Variants in NKD1 observed in about 807,000 individuals in gnomAD.
NKD1 encodes the protein NKD inhibitor of Wnt signaling pathway 1.
In NKD1, 21 loss-of-function variants were observed where a neutral mutation model predicts 56.0. The observed-to-expected ratio is 0.38, with a 90% CI of 0.27 to 0.54. The LOEUF is 0.54. Ranked by LOEUF, NKD1 falls within the 20% of genes least tolerant of loss-of-function variation. NKD1 has a pLI of 0.82. For missense variants in NKD1, 578 were observed against 642.7 expected, an observed-to-expected ratio of 0.90 and a Z score of 1.09; for synonymous variants, 263 against 265.7, an observed-to-expected ratio of 0.99 and a Z score of 0.10.
intron 3 of NKD1, among the ~76,000 whole-genome samples, chr16:50,602,789 C>T (rs549853001): frequency 5.1e-4 from 78 of 152,348 alleles, no homozygotes; most frequent in African/African-American, 1.8e-3. Flanking sequence ...GCCCTCTGCC[C>T]GGGAGATCTG....
intron 3 of NKD1, among the ~76,000 whole-genome samples, chr16:50,560,823 C>CTATCT (rs1555487407): frequency 6.2e-4 from 92 of 148,660 alleles, no homozygotes; most frequent in African/African-American, 2.1e-3. Context: ...TACCCAAACC[C>CTATCT]ATCTATCTAT....
intron 3 of NKD1, among the ~76,000 whole-genome samples, chr16:50,582,268 G>T (rs1438039811): frequency 6.6e-6 from 1 of 152,166 alleles, no homozygotes; most frequent in Non-Finnish European, 1.5e-5. Context: ...CTCTCGCAGG[G>T]CTGTCCTCCC....
At chr16:50,615,328 C>T (rs1313246111) in intron 4 of NKD1, among the ~76,000 whole-genome samples, 3 of 152,168 alleles carry the variant, frequency 2.0e-5, no homozygotes, top group African/African-American at 4.8e-5. Flanking sequence ...GTGTGATAGA[C>T]ACTGCACTAT....
chr16:50,572,782 C>A, intron 3 of NKD1: 1 of 618,554 alleles, frequency 1.6e-6, no homozygotes, highest in Non-Finnish European at 2.0e-6. Flanking sequence ...TCCCTGAGTC[C>A]GACAGAGACA....
intron 4 of NKD1, among the ~76,000 whole-genome samples, chr16:50,621,189 AG>A (rs1962079039): frequency 6.6e-6 from 1 of 152,360 alleles, no homozygotes; most frequent in East Asian, 1.9e-4. Context: ...GGCACCTTTG[AG>A]GAGGCCAAAA....
rs1962388657 is a variant in NKD1 at position 50,633,308 on chromosome 16, G to A, written c.940G>A (p.Asp314Asn). Reference protein sequence around the residue: ...HIPHRKPQGVDPASFHFLDTP... With the variant: ...HIPHRKPQGVNPASFHFLDTP... ...CCCACACCGAAAGCCCCAAGGCGTG[G>A]ACCCGGCCTCCTTCCACTTCCTTGA... The change falls in exon 10 of 10, where the codon GAC becomes AAC. Residue 314 changes from aspartate to asparagine, a missense_variant. Coordinates refer to ENST00000268459, the MANE Select transcript of NKD1 (RefSeq NM_033119.5). This position sits in a 1 kb window ranked among gnomAD's most constrained non-coding sequence, Gnocchi z 4.9. 3 of 1,614,126 alleles carry A rather than the reference G, an allele frequency of 1.9e-6. No homozygotes were observed. In the African/African-American group the frequency reaches 4.0e-5, roughly 22 times the overall value.
intron 3 of NKD1, among the ~76,000 whole-genome samples, chr16:50,586,572 T>C (rs2036886936): frequency 6.6e-6 from 1 of 152,202 alleles, no homozygotes; most frequent in African/African-American, 2.4e-5. Context: ...GGTTTCCTAG[T>C]ATGTCATAGG....
At chr16:50,568,289 C>G (rs546609874) in intron 3 of NKD1, among the ~76,000 whole-genome samples, 11 of 152,302 alleles carry the variant, frequency 7.2e-5, no homozygotes, top group Admixed American at 2.0e-4. Context: ...GTGGTTAGCA[C>G]TGGGCTTGAA....
rs1962710774 is a variant in NKD1, at chr16:50,647,973, TG to T, written c.*14195del. 6.6e-6 allele frequency: 1 copy of T among 152,212 alleles called. No individual in the cohort carries two copies. Among genetic ancestry groups the T allele is most frequent in the South Asian group, 2.1e-4 (1 of 4,824 alleles). 9.4% of individuals were successfully genotyped at this position (152,212 alleles called of 1,614,324 possible). On this transcript the variant is annotated 3_prime_UTR_variant, in exon 10 of 10. Transcript: ENST00000268459. ...AAACAGGCTCTTTTGGCAGCAAAGTTGGGAGTGGTGTTGAAGTAACTGGGAA... is the reference window on the plus strand; with the variant it reads ...AAACAGGCTCTTTTGGCAGCAAAGTTGGAGTGGTGTTGAAGTAACTGGGAA...
intron 3 of NKD1, chr16:50,606,792 T>C: frequency 2.2e-6 from 1 of 456,678 alleles, no homozygotes; most frequent in South Asian, 1.5e-5. Flanking sequence ...TGAAGACTGT[T>C]GCCTGTTCCC....
chr16:50,590,759 A>G (rs1333237464), intron 3 of NKD1, among the ~76,000 whole-genome samples: 6 of 152,246 alleles, frequency 3.9e-5, no homozygotes, highest in Non-Finnish European at 8.8e-5. Flanking sequence ...CCACCTGGCA[A>G]TGCCGTTTGC....
intron 3 of NKD1, among the ~76,000 whole-genome samples, chr16:50,599,670 C>A (rs1961551712): frequency 1.3e-5 from 2 of 152,234 alleles, no homozygotes; most frequent in African/African-American, 4.8e-5. Flanking sequence ...CAGGCCCCAA[C>A]ATGCCCATCA....
intron 3 of NKD1, among the ~76,000 whole-genome samples, chr16:50,562,680 T>C (rs1289121569): frequency 6.6e-6 from 1 of 152,096 alleles, no homozygotes; most frequent in East Asian, 1.9e-4. Flanking sequence ...AGTCAGAACC[T>C]TTCTGTACTA....
chr16:50,617,962 A>C (rs1172034406), intron 4 of NKD1, among the ~76,000 whole-genome samples: 1 of 152,202 alleles, frequency 6.6e-6, no homozygotes, highest in Non-Finnish European at 1.5e-5. Context: ...CTGTTGCAAC[A>C]GTTCAACTCT....
chr16:50,645,992 G>A lies in NKD1; in HGVS notation c.*12211G>A, dbSNP rs542079460. ...AGGGAGGCATGATATTGACTTAAACGTGGGGGATTTAAAAGGCCCCTATGT... is the reference window on the plus strand; with the variant it reads ...AGGGAGGCATGATATTGACTTAAACATGGGGGATTTAAAAGGCCCCTATGT... On this transcript the variant is annotated 3_prime_UTR_variant, in exon 10 of 10. Transcript: ENST00000268459. 4 of 152,204 alleles carry A rather than the reference G, an allele frequency of 2.6e-5. No homozygotes were observed. Among genetic ancestry groups the A allele is most frequent in the East Asian group, 3.9e-4 (2 of 5,174 alleles). The allele number at this position is 152,204 out of a possible 1,614,324, so 9.4% of individuals were successfully genotyped here.
intron 3 of NKD1, among the ~76,000 whole-genome samples, chr16:50,587,606 T>C (rs1439267414): frequency 6.6e-6 from 1 of 152,226 alleles, no homozygotes; most frequent in East Asian, 1.9e-4. Flanking sequence ...GGAGAGATGC[T>C]TTACCTCTGG....
At position 50,576,849 on chromosome 16, in the gene NKD1, G is replaced by A. The variant is rs193178910; in HGVS notation, c.192+27294G>A. Among the ~76,000 whole-genome samples the A allele has an allele frequency of 5.2e-3, 797 of 151,856 alleles. 7 individuals are homozygous for A. The highest frequency in any genetic ancestry group is 0.017 in the Middle Eastern group (5 of 294). ...GTCCACCCACCCAGTGACCCACTGG[G>A]AAGGTATTCCTACCATCCCCGTCAA... is the stretch of plus-strand genomic sequence containing the variant. On this transcript the variant is annotated intron_variant, in intron 3 of 9. Transcript: ENST00000268459.
intron 5 of NKD1, among the ~76,000 whole-genome samples, chr16:50,624,354 G>A (rs1388386077): frequency 6.6e-6 from 1 of 152,014 alleles, no homozygotes; most frequent in East Asian, 1.9e-4. Context: ...CATTCCCTGG[G>A]GTCAGACACT....
intron 3 of NKD1, among the ~76,000 whole-genome samples, chr16:50,597,481 A>G (rs1961498875): frequency 1.3e-5 from 2 of 152,338 alleles, no homozygotes; most frequent in Admixed American, 1.3e-4. Context: ...TCTTGGTTTA[A>G]AAAGAGAGAA....
Sources: gnomAD v4.1 joint callset for allele counts (sites outside exome capture counted in the v4.1 genomes callset) on GRCh38, gnomAD v4.1.1 for gene constraint, Gnocchi (gnomAD v3.1) non-coding constraint, MANE v1.5 for transcripts, NCBI Gene and HGNC (gene_info 2026-07-23, HGNC 2026-07-21) for gene names.